SBNO1: variants seen among roughly 807,000 people sequenced by gnomAD.
The protein encoded by SBNO1 is protein strawberry notch homolog 1.
Under a neutral mutation model 173.6 loss-of-function variants are expected in SBNO1, and 23 were observed. That is an observed-to-expected ratio of 0.13 (90% CI 0.10 to 0.19). The LOEUF is 0.19. SBNO1 is among the 10% of genes least tolerant of loss of function. SBNO1 has a pLI of 1.00. For synonymous variants in SBNO1, 632 were observed against 571.5 expected (o/e 1.11, Z -1.51); for missense variants, 1,238 against 1,671.2 (o/e 0.74, Z 4.52).
intron 28 of SBNO1, among the ~76,000 whole-genome samples, chr12:123,306,930 T>A (rs534779405): frequency 6.1e-5 from 9 of 147,880 alleles, no homozygotes; most frequent in East Asian, 6.1e-4. Context: ...ACAACTGTAA[T>A]CCAGCACTTT....
At chr12:123,350,997 C>G (rs1324911263) in intron 1 of SBNO1, among the ~76,000 whole-genome samples, 2 of 152,180 alleles carry the variant, frequency 1.3e-5, no homozygotes, top group Non-Finnish European at 2.9e-5. Context: ...TGGCGGGTGC[C>G]TGTAATCCCA....
chr12:123,361,783 G>T (rs949470292), intron 1 of SBNO1, among the ~76,000 whole-genome samples: 1 of 150,064 alleles, frequency 6.7e-6, no homozygotes, highest in Non-Finnish European at 1.5e-5. Flanking sequence ...TTCAATGAAT[G>T]AATGAATGAA....
Position 123,348,034 on chromosome 12 carries a change from C to T in SBNO1, c.232G>A (p.Val78Met), listed in dbSNP as rs1021587244. Residue 78 changes from valine (V) to methionine (M), a missense_variant, in exon 3 of 32, where the codon GTG (valine) becomes ATG (methionine). Coordinates refer to ENST00000602398, the MANE Select transcript of SBNO1 (RefSeq NM_001167856.3). ...CGAATCTAAATCATTCTTACCCTCA[C>T]ATTTAATAGTGCTGGAGTAGGTACA... ...ETVPTPALLN[V>M]RQQPPSTTTF... 1 of 1,584,102 alleles carries T rather than the reference C, an allele frequency of 6.3e-7. No homozygotes were observed. Among genetic ancestry groups the T allele is most frequent in the South Asian group, 1.1e-5 (1 of 90,126 alleles).
chr12:123,320,113 T>C lies in SBNO1; in HGVS notation c.2668-82A>G, dbSNP rs2138963386. The C allele has an allele frequency of 2.7e-6, 4 of 1,485,620 alleles. No homozygotes were observed. The East Asian group carries it at 9.0e-5, about 34-fold the overall frequency. The allele number at this position is 1,485,620 out of a possible 1,614,324, so 92.0% of individuals were successfully genotyped here. On this transcript the variant is annotated intron_variant, in intron 19 of 31. Transcript: ENST00000602398. Reference sequence around the variant, plus strand: ...CAGTGCCTCTTTCCTTGAAGACACTTGGGAGATAAGAGCACAGGCTGTGCT... The same window carrying C: ...CAGTGCCTCTTTCCTTGAAGACACTCGGGAGATAAGAGCACAGGCTGTGCT...
chr12:123,346,525 G>A (rs1455507183), intron 3 of SBNO1, among the ~76,000 whole-genome samples: 3 of 152,148 alleles, frequency 2.0e-5, no homozygotes, highest in African/African-American at 2.4e-5. Context: ...TTAGCCGGGC[G>A]TGGTGGCGGA....
At position 123,291,589 on chromosome 12, in the gene SBNO1, A is replaced by G. The variant is rs2048512029; in HGVS notation, c.*4319T>C. On this transcript the variant is annotated 3_prime_UTR_variant, in exon 32 of 32. Coordinates refer to ENST00000602398, the MANE Select transcript of SBNO1 (RefSeq NM_001167856.3). ...AGACATAGTAAAAAACATTAACACA[A>G]AACAGGAATTCTACAGCAAAGATGC... 6.6e-6 allele frequency: 1 copy of G among 152,114 alleles called. No homozygotes were observed. Among genetic ancestry groups the G allele is most frequent in the Non-Finnish European group, 1.5e-5 (1 of 68,032 alleles). 9.4% of individuals were successfully genotyped at this position (152,114 alleles called of 1,614,324 possible).
Position 123,331,194 on chromosome 12 carries a change from C to G in SBNO1, c.1043+48G>C, listed in dbSNP as rs753178446. 1.9e-6 allele frequency: 3 copies of G among 1,595,860 alleles called. No individual in the cohort carries two copies. The East Asian group carries it at 6.7e-5, about 36-fold the overall frequency. On this transcript the variant is annotated intron_variant, in intron 8 of 31. Coordinates refer to ENST00000602398, the MANE Select transcript of SBNO1 (RefSeq NM_001167856.3). ...AGCCAGGATGGTCTCGATCTCCTAA[C>G]CTCGTGATCCGCTGCGCCTGGCCCA...
intron 29 of SBNO1, among the ~76,000 whole-genome samples, chr12:123,303,492 A>C (rs1343973666): frequency 6.6e-6 from 1 of 150,910 alleles, no homozygotes; most frequent in Non-Finnish European, 1.5e-5. Flanking sequence ...CTAAACATAC[A>C]AAAAAAAACT....
chr12:123,313,297 A>C (rs1177279120), intron 24 of SBNO1, among the ~76,000 whole-genome samples: 2 of 150,574 alleles, frequency 1.3e-5, no homozygotes, highest in African/African-American at 4.8e-5. Context: ...AAAATAAATA[A>C]ATAAATAAAT....
chr12:123,362,736 T>G (rs1593433064), intron 1 of SBNO1, among the ~76,000 whole-genome samples: 1 of 122,096 alleles, frequency 8.2e-6, no homozygotes, highest in African/African-American at 3.3e-5. Flanking sequence ...ACCACTACAC[T>G]CCAGCCTGGG....
At chr12:123,323,209 A>C (rs1032660610) in intron 16 of SBNO1, among the ~76,000 whole-genome samples, 1 of 152,238 alleles carries the variant, frequency 6.6e-6, no homozygotes, top group Non-Finnish European at 1.5e-5. Flanking sequence ...AAACGGGGAT[A>C]ACTTGTGCAT....
At chr12:123,337,252 T>C (rs1202696999) in intron 5 of SBNO1, among the ~76,000 whole-genome samples, 2 of 152,224 alleles carry the variant, frequency 1.3e-5, no homozygotes, top group Non-Finnish European at 2.9e-5. Context: ...ACCACGGTTA[T>C]GCTTCCCTTT....
intron 16 of SBNO1, among the ~76,000 whole-genome samples, chr12:123,321,959 C>G (rs1292233953): frequency 2.0e-5 from 3 of 152,154 alleles, no homozygotes; most frequent in Non-Finnish European, 4.4e-5. Context: ...TACAAAAGTA[C>G]TAAGTCAAGA....
At chr12:123,299,880 C>G (rs1371805716) in intron 30 of SBNO1, among the ~76,000 whole-genome samples, 1 of 151,764 alleles carries the variant, frequency 6.6e-6, no homozygotes, top group East Asian at 1.9e-4. Flanking sequence ...AAAAAACAAG[C>G]AATACCTGTG....
chr12:123,362,064 A>G (rs1875303210), intron 1 of SBNO1, among the ~76,000 whole-genome samples: 1 of 151,654 alleles, frequency 6.6e-6, no homozygotes, highest in Admixed American at 6.6e-5. Context: ...GTTTTAACCC[A>G]GGAGGCAGAG....
intron 1 of SBNO1, among the ~76,000 whole-genome samples, chr12:123,353,223 C>T (rs1341330497): frequency 6.6e-6 from 1 of 152,160 alleles, no homozygotes; most frequent in Non-Finnish European, 1.5e-5. Context: ...TCTTCATAAA[C>T]ATTACCATAC....
At chr12:123,329,852 G>A (rs994948428) in intron 9 of SBNO1, among the ~76,000 whole-genome samples, 1 of 152,204 alleles carries the variant, frequency 6.6e-6, no homozygotes, top group Non-Finnish European at 1.5e-5. Flanking sequence ...AACAATTGGT[G>A]CATGCATAGT....
rs1270868458 is a variant in SBNO1, at chr12:123,293,798, A to C, written c.*2110T>G. 2 of 152,182 alleles carry C rather than the reference A, an allele frequency of 1.3e-5. No homozygotes were observed. Among genetic ancestry groups the C allele is most frequent in the Non-Finnish European group, 2.9e-5 (2 of 68,026 alleles). The allele number at this position is 152,182 out of a possible 1,614,324, so 9.4% of individuals were successfully genotyped here. ...ACTAAGATGCCCTCATACACAGAAAAGAGGAGTTGGGCCAACAGCCTGCGA... is the reference window on the plus strand; with the variant it reads ...ACTAAGATGCCCTCATACACAGAAACGAGGAGTTGGGCCAACAGCCTGCGA... On this transcript the variant is annotated 3_prime_UTR_variant, in exon 32 of 32. Coordinates refer to ENST00000602398, the MANE Select transcript of SBNO1 (RefSeq NM_001167856.3).
intron 30 of SBNO1, among the ~76,000 whole-genome samples, chr12:123,299,434 C>A (rs995172737): frequency 2.6e-5 from 4 of 152,028 alleles, no homozygotes; most frequent in Non-Finnish European, 5.9e-5. Flanking sequence ...GTAATCTCAG[C>A]ACTTTGGGAG....
Sources: gnomAD v4.1 joint callset for allele counts (sites outside exome capture counted in the v4.1 genomes callset) on GRCh38, gnomAD v4.1.1 for gene constraint, MANE v1.5 for transcripts, NCBI Gene and HGNC (gene_info 2026-07-23, HGNC 2026-07-21) for gene names.